Variants in CHST11 observed in about 807,000 individuals in gnomAD.
CHST11 encodes the protein C4S-1.
CHST11 carries 9 observed loss-of-function variants against 30.4 expected under a neutral mutation model. That is an observed-to-expected ratio of 0.30 (90% CI 0.18 to 0.52). The LOEUF (loss-of-function observed/expected upper bound fraction) is 0.52, where lower values mean the gene tolerates loss of function less well. Ranked by LOEUF, CHST11 falls within the 20% of genes least tolerant of loss-of-function variation. The pLI is 0.97. For missense variants in CHST11, 348 were observed against 460.6 expected, an observed-to-expected ratio of 0.76 and a Z score of 2.24; for synonymous variants, 152 against 187.8, an observed-to-expected ratio of 0.81 and a Z score of 1.56.
chr12:104,513,138 T>TGGGGGGGG (rs1565969843), intron 1 of CHST11, among the ~76,000 whole-genome samples: 4 of 3,336 alleles, frequency 1.2e-3, no homozygotes, highest in Middle Eastern at 0.12. Context: ...GGGGGGGGGG[T>TGGGGGGGG]TGGGGGTGGG....
intron 2 of CHST11, among the ~76,000 whole-genome samples, chr12:104,606,039 G>T (rs1245142841): frequency 6.6e-6 from 1 of 152,048 alleles, no homozygotes; most frequent in African/African-American, 2.4e-5. Flanking sequence ...GCACAGGGCT[G>T]TCCGTGAATT....
chr12:104,710,959 G>A (rs989468492), intron 2 of CHST11, among the ~76,000 whole-genome samples: 1 of 152,170 alleles, frequency 6.6e-6, no homozygotes, highest in African/African-American at 2.4e-5. Context: ...CCAGCTATTA[G>A]CCTCTATCGT....
At chr12:104,724,384 G>A (rs1367595921) in intron 2 of CHST11, among the ~76,000 whole-genome samples, 1 of 152,144 alleles carries the variant, frequency 6.6e-6, no homozygotes, top group Non-Finnish European at 1.5e-5. Flanking sequence ...TCGGGGGTTG[G>A]TGATGGTTGC....
intron 1 of CHST11, among the ~76,000 whole-genome samples, chr12:104,526,459 G>T (rs1197905198): frequency 2.0e-5 from 3 of 152,166 alleles, no homozygotes; most frequent in African/African-American, 7.2e-5. Context: ...GTTCTTGATT[G>T]ATGGCCCTTC....
intron 1 of CHST11, among the ~76,000 whole-genome samples, chr12:104,530,766 G>A (rs1484421505): frequency 6.6e-6 from 1 of 152,170 alleles, no homozygotes; most frequent in Non-Finnish European, 1.5e-5. Flanking sequence ...ACTCACCTTT[G>A]GGGTTTCCAA....
At chr12:104,607,107 A>G (rs1351589612) in intron 2 of CHST11, among the ~76,000 whole-genome samples, 3 of 151,978 alleles carry the variant, frequency 2.0e-5, no homozygotes, top group Non-Finnish European at 4.4e-5. Flanking sequence ...AAAATTGCAG[A>G]TTTATTTTTT....
intron 1 of CHST11, among the ~76,000 whole-genome samples, chr12:104,555,436 C>A (rs566655703): frequency 6.6e-6 from 1 of 152,206 alleles, no homozygotes; most frequent in Non-Finnish European, 1.5e-5. Flanking sequence ...ATACTTCATT[C>A]GTCTTCTAGA....
chr12:104,695,448 T>A (rs1472397735), intron 2 of CHST11, among the ~76,000 whole-genome samples: 1 of 23,320 alleles, frequency 4.3e-5, no homozygotes, highest in African/African-American at 1.2e-4. Flanking sequence ...ACACAATGAG[T>A]GTGTGTGTGT....
chr12:104,464,242 A>G (rs1233308969), intron 1 of CHST11, among the ~76,000 whole-genome samples: 22 of 151,746 alleles, frequency 1.4e-4, no homozygotes. Flanking sequence ...TAATTTTTGC[A>G]TTTTTAATAG....
intron 1 of CHST11, among the ~76,000 whole-genome samples, chr12:104,515,505 T>TTTCATTCA (rs111866030): frequency 6.6e-6 from 1 of 152,172 alleles, no homozygotes; most frequent in Non-Finnish European, 1.5e-5. Context: ...TAGTTTGTTT[T>TTTCATTCA]TTCATTCATT....
chr12:104,490,761 A>G (rs1481931066), intron 1 of CHST11, among the ~76,000 whole-genome samples: 1 of 152,248 alleles, frequency 6.6e-6, no homozygotes, highest in African/African-American at 2.4e-5. Flanking sequence ...ACATTTAAAA[A>G]AAGTCAGCGT....
chr12:104,727,805 G>T (rs1164359288), intron 2 of CHST11, among the ~76,000 whole-genome samples: 1 of 152,206 alleles, frequency 6.6e-6, no homozygotes, highest in Non-Finnish European at 1.5e-5. Flanking sequence ...AGCATAGGAA[G>T]CTTATGGACT....
rs140550570 is a variant in CHST11 at position 104,757,024 on chromosome 12, G to A, written c.280G>A (p.Ala94Thr). The change falls in exon 3 of 3, where the codon GCC (alanine) becomes ACC (threonine). Residue 94 changes from alanine (A) to threonine (T), a missense_variant. Coordinates refer to ENST00000303694, the MANE Select transcript of CHST11 (RefSeq NM_018413.6). The surrounding 1 kb of genome is among the most constrained non-coding windows in gnomAD (Gnocchi z 6.5). ...QVTDTCRANS[A>T]TSRKRRVLTP... The stretch of plus-strand genomic sequence containing the variant: ...GACAGACACGTGCCGAGCCAACAGC[G>A]CCACAAGCCGTAAGCGGAGGGTGCT... The A allele has an allele frequency of 7.4e-6, 12 of 1,613,224 alleles. No homozygotes were observed. The highest frequency in any genetic ancestry group is 1.3e-5 in the African/African-American group (1 of 74,882).
intron 2 of CHST11, among the ~76,000 whole-genome samples, chr12:104,699,064 G>C (rs2039970898): frequency 6.6e-6 from 1 of 152,176 alleles, no homozygotes; most frequent in Admixed American, 6.6e-5. Flanking sequence ...CTTCCAAAAT[G>C]ACTAGTTGCA....
intron 2 of CHST11, among the ~76,000 whole-genome samples, chr12:104,645,073 A>C (rs1225466431): frequency 1.3e-5 from 2 of 152,004 alleles, no homozygotes; most frequent in Non-Finnish European, 2.9e-5. Flanking sequence ...TCAGCCTCCC[A>C]AGTAGCTGGG....
chr12:104,634,107 G>C (rs1052153451), intron 2 of CHST11, among the ~76,000 whole-genome samples: 1 of 152,196 alleles, frequency 6.6e-6, no homozygotes, highest in Non-Finnish European at 1.5e-5. Flanking sequence ...TTATAGAACT[G>C]GTAATCTAAG....
intron 2 of CHST11, among the ~76,000 whole-genome samples, chr12:104,670,943 T>C (rs935680660): frequency 1.3e-5 from 2 of 152,162 alleles, no homozygotes; most frequent in African/African-American, 4.8e-5. Context: ...TTTCCAGCTT[T>C]GTGTTTCTGC....
intron 1 of CHST11, among the ~76,000 whole-genome samples, chr12:104,522,249 C>T (rs2038080929): frequency 6.6e-6 from 1 of 152,178 alleles, no homozygotes. Flanking sequence ...ACATCCTTAG[C>T]TGCATAAACT....
In CHST11 at chr12:104,758,164, A is replaced by T; in HGVS notation, c.*361A>T. On this transcript the variant is annotated 3_prime_UTR_variant, in exon 3 of 3. Transcript: ENST00000303694. ...GGCAGCAAAATTCTAACATCTTTCC[A>T]GAAGAAATCTATGATTCCTGCTTTG... is the stretch of plus-strand genomic sequence containing the variant. The T allele has an allele frequency of 5.7e-6, 1 of 175,432 alleles. No individual in the cohort carries two copies. 10.9% of individuals were successfully genotyped at this position (175,432 alleles called of 1,614,324 possible). A position where few individuals can be genotyped will look rare whatever the true frequency, so the allele number is the denominator to read the frequency against.
Sources: allele counts gnomAD v4.1 joint callset (sites outside exome capture counted in the v4.1 genomes callset), GRCh38; gene constraint gnomAD v4.1.1; non-coding constraint Gnocchi (gnomAD v3.1); transcripts MANE v1.5; gene names NCBI Gene and HGNC (gene_info 2026-07-23, HGNC 2026-07-21).